MEGF10: variants seen among roughly 807,000 people sequenced by gnomAD.
MEGF10 encodes the protein multiple epidermal growth factor-like domains protein 10.
MEGF10 carries 86 observed loss-of-function variants against 147.5 expected under a neutral mutation model. The observed-to-expected ratio is 0.58, with a 90% CI of 0.49 to 0.70. The LOEUF (loss-of-function observed/expected upper bound fraction) is 0.70, where lower values mean the gene tolerates loss of function less well. Ranked by LOEUF, MEGF10 falls within the 30% of genes least tolerant of loss-of-function variation. The pLI is 0.00. For synonymous variants in MEGF10, 478 were observed against 525.5 expected, an observed-to-expected ratio of 0.91 and a Z score of 1.24; for missense variants, 1,329 against 1,487.3, an observed-to-expected ratio of 0.89 and a Z score of 1.75.
upstream of MEGF10, among the ~76,000 whole-genome samples, chr5:127,290,301 T>G (rs943591469): frequency 2.0e-5 from 3 of 152,074 alleles, no homozygotes; most frequent in African/African-American, 7.2e-5. Flanking sequence ...CTGGCACGGC[T>G]TAATCACCAT....
chr5:127,296,942 T>C (rs995818139), intron 1 of MEGF10, among the ~76,000 whole-genome samples: 1 of 152,228 alleles, frequency 6.6e-6, no homozygotes, highest in Non-Finnish European at 1.5e-5. Flanking sequence ...GAGTTACTTT[T>C]TGTTCCACCA....
chr5:127,349,259 G>A (rs749580738), intron 4 of MEGF10, among the ~76,000 whole-genome samples: 10 of 152,052 alleles, frequency 6.6e-5, no homozygotes, highest in Non-Finnish European at 1.0e-4. Flanking sequence ...TACCTTCTAA[G>A]CATCACCTCA....
At chr5:127,394,805 A>G (rs1453436035) in intron 5 of MEGF10, among the ~76,000 whole-genome samples, 1 of 152,152 alleles carries the variant, frequency 6.6e-6, no homozygotes, top group Non-Finnish European at 1.5e-5. Context: ...TGCTTTCTTG[A>G]TCTGCTTTAG....
intron 2 of MEGF10, 50 bp from the exon 3 acceptor site, chr5:127,339,070 T>G: frequency 8.2e-7 from 1 of 1,225,808 alleles, no homozygotes; most frequent in Non-Finnish European, 1.2e-6. Context: ...AGTATATTAT[T>G]AATTTAAAAA....
chr5:127,250,503 A>C, the MEGF10 span, among the ~76,000 whole-genome samples: 1 of 152,090 alleles, frequency 6.6e-6, no homozygotes, highest in Non-Finnish European at 1.5e-5. Flanking sequence ...TAGCAATAGA[A>C]GGAAACTTCA....
chr5:127,343,800 C>A (rs1761774263), intron 4 of MEGF10, among the ~76,000 whole-genome samples: 1 of 151,776 alleles, frequency 6.6e-6, no homozygotes, highest in African/African-American at 2.4e-5. Flanking sequence ...AAAAAAAAGT[C>A]ATCTTCTCTA....
At chr5:127,376,134 T>C (rs1381883055) in intron 5 of MEGF10, among the ~76,000 whole-genome samples, 1 of 152,110 alleles carries the variant, frequency 6.6e-6, no homozygotes, top group Non-Finnish European at 1.5e-5. Flanking sequence ...TCACTTTCAG[T>C]TGGGGACAGA....
In MEGF10 at chr5:127,419,236, G is replaced by T. The variant is rs780313106; in HGVS notation, c.1422G>T (p.Lys474Asn). 6.2e-7 allele frequency: 1 copy of T among 1,612,824 alleles called. No individual in the cohort carries two copies. The highest frequency in any genetic ancestry group is 8.5e-7 in the Non-Finnish European group (1 of 1,179,734). The change falls in exon 11 of 25, where the codon AAG (lysine) becomes AAT (asparagine). Residue 474 changes from lysine (K) to asparagine (N), a missense_variant. Physicochemically the swap from Lys to Asn is moderately conservative, Grantham distance 94. Transcript: ENST00000503335. ...CSPVDGSCTC[K>N]AGWHGVDCSI... The stretch of plus-strand genomic sequence containing the variant: ...CTGTGGACGGGTCTTGTACTTGCAA[G>T]GCAGGTAAGAATGGGTAAATAAGTC...
At chr5:127,421,937 C>T (rs770867202) in intron 12 of MEGF10, among the ~76,000 whole-genome samples, 112 of 131,634 alleles carry the variant, frequency 8.5e-4, no homozygotes, top group Admixed American at 1.9e-3. Flanking sequence ...TGCAGTGAGC[C>T]GAGATAGCGC....
At chr5:127,236,491 A>C in the MEGF10 span, among the ~76,000 whole-genome samples, 4 of 152,080 alleles carry the variant, frequency 2.6e-5, no homozygotes, top group African/African-American at 9.7e-5. Flanking sequence ...TAGAGAAGAC[A>C]CTCCAAATCC....
At chr5:127,449,829 C>T (rs1416701814) in intron 22 of MEGF10, among the ~76,000 whole-genome samples, 2 of 151,828 alleles carry the variant, frequency 1.3e-5, no homozygotes, top group African/African-American at 2.4e-5. Flanking sequence ...TATTGAGGAC[C>T]CAAAAGAGCT....
the MEGF10 span, among the ~76,000 whole-genome samples, chr5:127,244,195 CAAAAA>C: frequency 1.1e-3 from 78 of 70,582 alleles, 3 homozygotes; most frequent in South Asian, 0.011. Context: ...AAACTCTGTC[CAAAAA>C]AAAAAAAAAA....
chr5:127,295,260 A>G (rs1759443774), intron 1 of MEGF10, among the ~76,000 whole-genome samples: 1 of 152,190 alleles, frequency 6.6e-6, no homozygotes, highest in Non-Finnish European at 1.5e-5. Context: ...ATATCTTGCT[A>G]TTTAGACACA....
At position 127,398,752 on chromosome 5, in the gene MEGF10, T is replaced by C. The variant is rs757632559; in HGVS notation, c.736T>C (p.Cys246Arg). The change falls in exon 7 of 25, where the codon TGT becomes CGT. Residue 246 changes from cysteine (C) to arginine (R), a missense_variant. Physicochemically the swap from Cys to Arg is radical, Grantham distance 180 (BLOSUM62 -3). This residue lies in a region of MEGF10 where 980 missense variants were observed against 1,085.9 expected (regional missense o/e 0.90). Transcript: ENST00000503335. ...ATGCCCTTGTCAAAATGGAGGAGTGTGTCATCACGTCACTGGAGAATGCTC... is the reference window on the plus strand; with the variant it reads ...ATGCCCTTGTCAAAATGGAGGAGTGCGTCATCACGTCACTGGAGAATGCTC... ...QRCPCQNGGV[C>R]HHVTGECSCP... 3.1e-6 allele frequency: 5 copies of C among 1,613,974 alleles called. No individual in the cohort carries two copies. The South Asian group carries it at 5.5e-5, about 18-fold the overall frequency.
At chr5:127,276,968 C>T in the MEGF10 span, among the ~76,000 whole-genome samples, 27 of 152,096 alleles carry the variant, frequency 1.8e-4, no homozygotes, top group African/African-American at 6.0e-4. Flanking sequence ...GAGCAAGCCA[C>T]ACATTCCAGG....
At chr5:127,454,030 A>G (rs1481482125) in intron 22 of MEGF10, among the ~76,000 whole-genome samples, 1 of 152,196 alleles carries the variant, frequency 6.6e-6, no homozygotes, top group African/African-American at 2.4e-5. Flanking sequence ...TTATGTCCCC[A>G]TACCTGGAAA....
In MEGF10 at chr5:127,447,606, C is replaced by G; in HGVS notation, c.2778C>G (p.Thr926=). The part of the protein sequence containing the change: ...NGGNANSHYF[T]NPSYHTLTQC... The stretch of plus-strand genomic sequence containing the variant: ...GAAACGCTAATAGCCACTACTTCAC[C>G]AATCCCAGTTACCACACGCTCACCC... Residue 926 remains threonine (T), a synonymous_variant, in exon 21 of 25, where the codon ACC becomes ACG. Transcript: ENST00000503335. 1 of 1,614,170 alleles carries G rather than the reference C, an allele frequency of 6.2e-7. No homozygotes were observed. The highest frequency in any genetic ancestry group is 8.5e-7 in the Non-Finnish European group (1 of 1,180,012).
intron 5 of MEGF10, among the ~76,000 whole-genome samples, chr5:127,390,920 A>G (rs140726822): frequency 1.3e-5 from 2 of 152,112 alleles, no homozygotes; most frequent in African/African-American, 4.8e-5. Flanking sequence ...TCATCTACAT[A>G]ATAGGGACAA....
At chr5:127,432,817 G>A (rs755268550) in intron 13 of MEGF10, among the ~76,000 whole-genome samples, 3 of 152,162 alleles carry the variant, frequency 2.0e-5, no homozygotes, top group Non-Finnish European at 4.4e-5. Flanking sequence ...CCAATGTCAG[G>A]TAAGATTTTT....
Sources: gnomAD v4.1 joint callset for allele counts (sites outside exome capture counted in the v4.1 genomes callset) on GRCh38, gnomAD v4.1.1 for gene constraint, gnomAD v4.1.1 regional missense constraint, MANE v1.5 for transcripts, NCBI Gene and HGNC (gene_info 2026-07-23, HGNC 2026-07-21) for gene names.